The following RSRC1 variants were observed in gnomAD, a reference collection of about 807,000 sequenced individuals.
RSRC1 encodes the protein serine/Arginine-related protein 53.
A neutral mutation model predicts 49.1 loss-of-function variants in RSRC1; 39 were observed. That is an observed-to-expected ratio of 0.79 (90% CI 0.61 to 1.04). The LOEUF is 1.04. Ranked by LOEUF, RSRC1 falls within the 50% of genes least tolerant of loss-of-function variation. The pLI is 0.00. For missense variants in RSRC1, 388 were observed against 402.4 expected (o/e 0.96, Z 0.31); for synonymous variants, 143 against 130.8 (o/e 1.09, Z -0.63).
At chr3:158,212,380 T>A (rs1721727988) in intron 4 of RSRC1, among the ~76,000 whole-genome samples, 1 of 151,450 alleles carries the variant, frequency 6.6e-6, no homozygotes, top group Non-Finnish European at 1.5e-5. Context: ...TAAAAAAAAA[T>A]CCTATGTAAC....
intron 6 of RSRC1, among the ~76,000 whole-genome samples, chr3:158,356,499 A>G (rs1276344238): frequency 6.6e-6 from 1 of 152,074 alleles, no homozygotes; most frequent in Non-Finnish European, 1.5e-5. Flanking sequence ...AAGTGTCTCT[A>G]TACTCCTCCT....
chr3:158,487,946 C>CAAAAAAAAAAAAAAAAAAAAAAAAAAA (rs1303656428), intron 7 of RSRC1, among the ~76,000 whole-genome samples: 10 of 11,476 alleles, frequency 8.7e-4, no homozygotes, highest in Admixed American at 1.3e-3. Flanking sequence ...GACTCCATCT[C>CAAAAAAAAAAAAAAAAAAAAAAAAAAA]AAGAAAAAAA....
intron 6 of RSRC1, among the ~76,000 whole-genome samples, chr3:158,413,866 A>T (rs1242536745): frequency 1.3e-5 from 2 of 152,288 alleles, no homozygotes; most frequent in East Asian, 3.9e-4. Flanking sequence ...GAGAAATAGG[A>T]ACGCTTTCAC....
intron 6 of RSRC1, among the ~76,000 whole-genome samples, chr3:158,391,168 C>T (rs1262358748): frequency 6.6e-6 from 1 of 152,098 alleles, no homozygotes; most frequent in African/African-American, 2.4e-5. Flanking sequence ...TCTCCACACC[C>T]CCACCCTGGG....
At chr3:158,346,824 T>G (rs937698875) in intron 5 of RSRC1, among the ~76,000 whole-genome samples, 1 of 152,254 alleles carries the variant, frequency 6.6e-6, no homozygotes, top group Non-Finnish European at 1.5e-5. Context: ...ACCTGAATCT[T>G]AGCACCTTTT....
At chr3:158,440,243 A>G (rs1736308832) in intron 6 of RSRC1, among the ~76,000 whole-genome samples, 1 of 152,044 alleles carries the variant, frequency 6.6e-6, no homozygotes, top group Non-Finnish European at 1.5e-5. Flanking sequence ...AGACTGGGAA[A>G]AATGAGTGAG....
intron 6 of RSRC1, among the ~76,000 whole-genome samples, chr3:158,444,358 T>A (rs901691396): frequency 1.3e-5 from 2 of 151,902 alleles, no homozygotes; most frequent in Non-Finnish European, 2.9e-5. Context: ...ATACCACACA[T>A]CTACAACCAT....
chr3:158,294,934 A>G (rs949923910), intron 4 of RSRC1, among the ~76,000 whole-genome samples: 1 of 152,170 alleles, frequency 6.6e-6, no homozygotes, highest in African/African-American at 2.4e-5. Flanking sequence ...TGTGATTCAG[A>G]TGTCATATCC....
chr3:158,466,126 A>C (rs1247062251), intron 7 of RSRC1, among the ~76,000 whole-genome samples: 1 of 152,180 alleles, frequency 6.6e-6, no homozygotes, highest in Non-Finnish European at 1.5e-5. Flanking sequence ...CCTGTTTCTC[A>C]GTTTCAGCGA....
At chr3:158,115,650 C>T (rs147307060) in intron 1 of RSRC1, among the ~76,000 whole-genome samples, 5 of 152,098 alleles carry the variant, frequency 3.3e-5, no homozygotes, top group African/African-American at 4.8e-5. Flanking sequence ...CCAAAACAAA[C>T]TTAGTGAGAA....
chr3:158,252,192 C>T (rs971280387), intron 4 of RSRC1, among the ~76,000 whole-genome samples: 6 of 150,052 alleles, frequency 4.0e-5, no homozygotes, highest in African/African-American at 1.2e-4. Flanking sequence ...GAAGGAGTCT[C>T]GCTCTGTTGC....
intron 3 of RSRC1, among the ~76,000 whole-genome samples, chr3:158,165,459 T>C (rs1046531082): frequency 1.3e-5 from 2 of 152,242 alleles, no homozygotes; most frequent in African/African-American, 4.8e-5. Context: ...TGTGTAGTCA[T>C]TGAGCTGTTT....
chr3:158,292,894 T>C (rs1727018498), intron 4 of RSRC1, among the ~76,000 whole-genome samples: 1 of 152,130 alleles, frequency 6.6e-6, no homozygotes, highest in South Asian at 2.1e-4. Flanking sequence ...TTGAGAAAAG[T>C]TGGATTATTA....
At chr3:158,541,819 A>C (rs1713048163) in intron 8 of RSRC1, among the ~76,000 whole-genome samples, 1 of 152,128 alleles carries the variant, frequency 6.6e-6, no homozygotes, top group South Asian at 2.1e-4. Flanking sequence ...CCTTACTGCT[A>C]ATCAGTCACT....
chr3:158,190,144 T>C (rs1055890700), intron 3 of RSRC1, among the ~76,000 whole-genome samples: 2 of 152,014 alleles, frequency 1.3e-5, no homozygotes, highest in African/African-American at 4.8e-5. Flanking sequence ...AACTTGTCTT[T>C]CTTTGTTAGT....
chr3:158,388,089 A>G (rs1045643267), intron 6 of RSRC1, among the ~76,000 whole-genome samples: 21 of 152,020 alleles, frequency 1.4e-4, no homozygotes, highest in African/African-American at 3.1e-4. Context: ...ACCTAGTGCA[A>G]TATTCCAGTT....
intron 1 of RSRC1, among the ~76,000 whole-genome samples, chr3:158,120,860 A>G (rs963642153): frequency 4.0e-5 from 6 of 150,630 alleles, no homozygotes; most frequent in African/African-American, 1.5e-4. Flanking sequence ...TCTTGTTTTT[A>G]TATGACTTTG....
chr3:158,516,920 T>C (rs1470387593), intron 7 of RSRC1, among the ~76,000 whole-genome samples: 1 of 152,220 alleles, frequency 6.6e-6, no homozygotes, highest in Admixed American at 6.5e-5. Flanking sequence ...CCCCTTGTGC[T>C]TCCCAAGTGA....
chr3:158,131,126 T>G (rs1163790761), intron 3 of RSRC1, among the ~76,000 whole-genome samples: 1 of 151,448 alleles, frequency 6.6e-6, no homozygotes, highest in Non-Finnish European at 1.5e-5. Flanking sequence ...TATTTTTGTC[T>G]TTAATAATTT....
Sources: gnomAD v4.1 joint callset for allele counts (sites outside exome capture counted in the v4.1 genomes callset) on GRCh38, gnomAD v4.1.1 for gene constraint, MANE v1.5 for transcripts, NCBI Gene and HGNC (gene_info 2026-07-23, HGNC 2026-07-21) for gene names.